NAALADL2: variants seen among roughly 807,000 people sequenced by gnomAD.
NAALADL2 encodes the protein inactive N-acetylated-alpha-linked acidic dipeptidase-like protein 2.
Under a neutral mutation model 87.2 loss-of-function variants are expected in NAALADL2, and 76 were observed. That is an observed-to-expected ratio of 0.87 (90% CI 0.72 to 1.05). The LOEUF (loss-of-function observed/expected upper bound fraction) is 1.05. NAALADL2 is among the 50% of genes least tolerant of loss of function. The pLI, the probability that NAALADL2 is intolerant of heterozygous loss-of-function variation, is 0.00. For missense variants in NAALADL2, 1,089 were observed against 945.8 expected (o/e 1.15, Z -1.99); for synonymous variants, 354 against 331.0 (o/e 1.07, Z -0.75).
chr3:174,877,959 T>C (rs1264230546), intron 1 of NAALADL2, among the ~76,000 whole-genome samples: 1 of 152,086 alleles, frequency 6.6e-6, no homozygotes. Context: ...TAGTTAGAGA[T>C]GGTGGCTTAT....
intron 1 of NAALADL2, among the ~76,000 whole-genome samples, chr3:175,020,902 A>G (rs1386536361): frequency 6.6e-6 from 1 of 152,062 alleles, no homozygotes; most frequent in Non-Finnish European, 1.5e-5. Flanking sequence ...CAGCAAAGAT[A>G]TTAGCATCTC....
At chr3:175,440,160 G>A (rs73186742) in intron 5 of NAALADL2, among the ~76,000 whole-genome samples, 3 of 151,866 alleles carry the variant, frequency 2.0e-5, no homozygotes, top group African/African-American at 7.3e-5. Flanking sequence ...CCCACTTTTC[G>A]TTTTTGTTTT....
rs144790937 is a variant in NAALADL2, at chr3:174,985,769, A to G, written c.44-111021A>G. On this transcript the variant is annotated intron_variant, in intron 1 of 13. Coordinates refer to ENST00000454872, the MANE Select transcript of NAALADL2 (RefSeq NM_207015.3). ...GGAGTTCGAGACCAGCCTGACCAACATGGAGAAACCTCGTCTATACTAAAC... is the reference window on the plus strand; with the variant it reads ...GGAGTTCGAGACCAGCCTGACCAACGTGGAGAAACCTCGTCTATACTAAAC... Among the ~76,000 whole-genome samples the G allele has an allele frequency of 8.8e-3, 1,345 of 152,178 alleles. 8 individuals carry two copies. The highest frequency in any genetic ancestry group is 0.029 in the African/African-American group (1,198 of 41,524).
At chr3:175,499,300 A>T (rs1005190582) in intron 9 of NAALADL2, among the ~76,000 whole-genome samples, 1 of 152,160 alleles carries the variant, frequency 6.6e-6, no homozygotes, top group East Asian at 1.9e-4. Flanking sequence ...ATAAATTTGC[A>T]TATAACCAAT....
intron 2 of NAALADL2, among the ~76,000 whole-genome samples, chr3:174,569,792 C>A (rs931154669): frequency 1.3e-5 from 2 of 152,148 alleles, no homozygotes; most frequent in African/African-American, 4.8e-5. Context: ...GATGTCTCTA[C>A]ATCCTGGCTA....
intron 11 of NAALADL2, among the ~76,000 whole-genome samples, chr3:175,726,063 G>A (rs571956089): frequency 1.3e-5 from 2 of 151,962 alleles, no homozygotes; most frequent in African/African-American, 2.4e-5. Flanking sequence ...TCCCTCTCTA[G>A]AAACAATATG....
At chr3:175,218,811 G>A (rs568771338) in intron 2 of NAALADL2, among the ~76,000 whole-genome samples, 7 of 150,618 alleles carry the variant, frequency 4.6e-5, no homozygotes, top group Non-Finnish European at 7.4e-5. Context: ...ATTTTATTTT[G>A]TTTTGTTTTT....
intron 5 of NAALADL2, among the ~76,000 whole-genome samples, chr3:175,335,468 T>C (rs954102249): frequency 1.3e-5 from 2 of 152,212 alleles, no homozygotes; most frequent in African/African-American, 4.8e-5. Flanking sequence ...AAGTTGTATT[T>C]ACAAAGCAGA....
intron 1 of NAALADL2, among the ~76,000 whole-genome samples, chr3:174,915,805 A>C (rs142532757): frequency 1.3e-5 from 2 of 152,176 alleles, no homozygotes; most frequent in African/African-American, 4.8e-5. Flanking sequence ...TCTTCTGGAC[A>C]TTGGCTTAGG....
At chr3:175,028,303 A>G (rs974678905) in intron 1 of NAALADL2, among the ~76,000 whole-genome samples, 7 of 152,114 alleles carry the variant, frequency 4.6e-5, no homozygotes, top group Admixed American at 4.6e-4. Flanking sequence ...TACAGTTACA[A>G]TTTAACAATT....
At chr3:175,066,227 A>G (rs940046828) in intron 1 of NAALADL2, among the ~76,000 whole-genome samples, 1 of 152,170 alleles carries the variant, frequency 6.6e-6, no homozygotes, top group African/African-American at 2.4e-5. Context: ...AACCACAAAC[A>G]GAAAATGACA....
At chr3:174,742,531 G>A (rs543158159) in intron 3 of NAALADL2, among the ~76,000 whole-genome samples, 18 of 151,434 alleles carry the variant, frequency 1.2e-4, no homozygotes, top group African/African-American at 3.1e-4. Context: ...AATCATATGC[G>A]TATGCAATAC....
At chr3:174,725,909 A>G (rs1732138093) in intron 2 of NAALADL2, among the ~76,000 whole-genome samples, 1 of 152,168 alleles carries the variant, frequency 6.6e-6, no homozygotes, top group Admixed American at 6.5e-5. Context: ...CTTTAGACAC[A>G]TTTCAGGAGA....
At position 175,256,340 on chromosome 3, in the gene NAALADL2, T is replaced by C. The variant is rs984870221; in HGVS notation, c.820-71T>C. The C allele has an allele frequency of 1.4e-5, 19 of 1,391,216 alleles. No homozygotes were observed. In the South Asian group the frequency reaches 2.3e-4, roughly 17 times the overall value. The allele number at this position is 1,391,216 out of a possible 1,614,324, so 86.2% of individuals were successfully genotyped here. ...CAAATTATGATGAATAATTTTGTTATACTAAATGGACAATTGGCTATACTT... is the reference window on the plus strand; with the variant it reads ...CAAATTATGATGAATAATTTTGTTACACTAAATGGACAATTGGCTATACTT... On this transcript the variant is annotated intron_variant, in intron 3 of 13. Transcript: ENST00000454872.
intron 2 of NAALADL2, among the ~76,000 whole-genome samples, chr3:174,620,655 C>G (rs1720910613): frequency 6.6e-6 from 1 of 151,948 alleles, no homozygotes; most frequent in African/African-American, 2.4e-5. Context: ...TTAAAGAACC[C>G]TTAAACAAAA....
rs975382666 is a variant in NAALADL2 at position 175,465,907 on chromosome 3, C to A, written c.1328-1072C>A. 2.8e-4 allele frequency among the ~76,000 whole-genome samples: 42 copies of A among 152,310 alleles called. 4 individuals are homozygous for A. Among genetic ancestry groups the A allele is most frequent in the Admixed American group, 1.3e-3 (20 of 15,298 alleles). On this transcript the variant is annotated intron_variant, in intron 7 of 13. Transcript: ENST00000454872. ...GTCAAAGGGTGATTCATTTATTCCACCCATGTGTAAGACCTACTTTGTGTT... is the reference window on the plus strand; with the variant it reads ...GTCAAAGGGTGATTCATTTATTCCAACCATGTGTAAGACCTACTTTGTGTT...
At chr3:174,812,095 A>G (rs559971626) in intron 3 of NAALADL2, among the ~76,000 whole-genome samples, 5 of 152,174 alleles carry the variant, frequency 3.3e-5, no homozygotes. Flanking sequence ...AGCCTGCAGA[A>G]CCATGAGCCA....
intron 2 of NAALADL2, among the ~76,000 whole-genome samples, chr3:174,561,924 G>A (rs1713664361): frequency 6.6e-6 from 1 of 151,960 alleles, no homozygotes; most frequent in Non-Finnish European, 1.5e-5. Flanking sequence ...TTTTATTTTT[G>A]TAAAAATGTT....
At chr3:175,351,241 TA>T (rs1294225537) in intron 5 of NAALADL2, among the ~76,000 whole-genome samples, 1 of 152,014 alleles carries the variant, frequency 6.6e-6, no homozygotes, top group African/African-American at 2.4e-5. Context: ...TTTTGATTTT[TA>T]AAAAAATAGC....
Sources: gnomAD v4.1 joint callset for allele counts (sites outside exome capture counted in the v4.1 genomes callset) on GRCh38, gnomAD v4.1.1 for gene constraint, MANE v1.5 for transcripts, NCBI Gene and HGNC (gene_info 2026-07-23, HGNC 2026-07-21) for gene names.